Variants in FNDC3B observed in about 807,000 individuals in gnomAD.
FNDC3B encodes the protein fibronectin type III domain containing 3B, also known as fibronectin type III domain-containing protein 3B.
A neutral mutation model predicts 151.5 loss-of-function variants in FNDC3B; 12 were observed. The observed-to-expected ratio is 0.08, with a 90% CI of 0.05 to 0.13. The LOEUF (loss-of-function observed/expected upper bound fraction) is 0.13. FNDC3B is among the 10% of genes least tolerant of loss of function. The pLI is 1.00. For missense variants in FNDC3B, 1,214 were observed against 1,505.3 expected (o/e 0.81, Z 3.20); for synonymous variants, 528 against 549.0 (o/e 0.96, Z 0.54).
intron 7 of FNDC3B, among the ~76,000 whole-genome samples, chr3:172,291,763 G>T (rs1223324121): frequency 6.6e-6 from 1 of 152,102 alleles, no homozygotes; most frequent in Non-Finnish European, 1.5e-5. Flanking sequence ...TTTTTGAGGG[G>T]TGAGGGGAAC....
chr3:172,380,601 GT>G, intron 24 of FNDC3B, among the ~76,000 whole-genome samples: 1 of 152,104 alleles, frequency 6.6e-6, no homozygotes. Flanking sequence ...TAACTCTTAA[GT>G]TTCTTGAAAA....
intron 2 of FNDC3B, among the ~76,000 whole-genome samples, chr3:172,131,480 G>T (rs1721098783): frequency 6.6e-6 from 1 of 151,952 alleles, no homozygotes; most frequent in Non-Finnish European, 1.5e-5. Flanking sequence ...AGTACAGTGT[G>T]CTTACATTGG....
intron 24 of FNDC3B, among the ~76,000 whole-genome samples, chr3:172,379,888 T>A (rs906412491): frequency 6.6e-6 from 1 of 152,206 alleles, no homozygotes; most frequent in African/African-American, 2.4e-5. Context: ...CCAGCCTTTC[T>A]ACTTCAGAAG....
chr3:172,129,755 C>T (rs916795656), intron 2 of FNDC3B, among the ~76,000 whole-genome samples: 1 of 152,116 alleles, frequency 6.6e-6, no homozygotes, highest in South Asian at 2.1e-4. Flanking sequence ...ATTTGATTAG[C>T]ATGGTTCTTC....
chr3:172,048,665 T>C (rs1716482679), intron 1 of FNDC3B, among the ~76,000 whole-genome samples: 1 of 152,156 alleles, frequency 6.6e-6, no homozygotes, highest in South Asian at 2.1e-4. Context: ...AGCAGCATTA[T>C]TGACAATACC....
At position 172,330,557 on chromosome 3, in the gene FNDC3B, G is replaced by A; in HGVS notation, c.1396G>A (p.Val466Met). ...DIGTSGYSQE[V>M]VCYTLGNIPQ... ...TCTCTACAGTGGTTATAGCCAAGAGGTGGTGTGCTACACATTAGGAAATAT... is the reference window on the plus strand; with the variant it reads ...TCTCTACAGTGGTTATAGCCAAGAGATGGTGTGCTACACATTAGGAAATAT... Residue 466 changes from valine (V) to methionine (M), a missense_variant, in exon 13 of 26, where the codon GTG (valine) becomes ATG (methionine). Val to Met is a conservative substitution (Grantham distance 21). Around this residue, in one of 7 missense-constraint regions of FNDC3B, gnomAD observed 111 missense variants for 96.8 expected, o/e 1.15. Coordinates refer to ENST00000415807, the MANE Select transcript of FNDC3B (RefSeq NM_022763.4). The A allele has an allele frequency of 1.2e-6, 2 of 1,613,408 alleles. No individual in the cohort carries two copies. Among genetic ancestry groups the A allele is most frequent in the Admixed American group, 1.7e-5 (1 of 59,954 alleles).
chr3:172,167,400 A>G lies in FNDC3B; in HGVS notation c.187+33854A>G, dbSNP rs148127414. On this transcript the variant is annotated intron_variant, in intron 3 of 25. Transcript: ENST00000415807. The stretch of plus-strand genomic sequence containing the variant: ...AATAAAATGAGACTGTCTCAAAAAG[A>G]ATATAGACTCCAAGAGGGTTGCAGT... Among the ~76,000 whole-genome samples the G allele has an allele frequency of 2.9e-4, 44 of 152,284 alleles. No individual in the cohort carries two copies. In the East Asian group the frequency reaches 8.5e-3, roughly 29 times the overall value.
intron 14 of FNDC3B, among the ~76,000 whole-genome samples, chr3:172,333,966 C>CA (rs1301401250): frequency 6.6e-6 from 1 of 151,930 alleles, no homozygotes; most frequent in East Asian, 1.9e-4. Context: ...GTGTAGTAGC[C>CA]AAAAAAGTGA....
intron 1 of FNDC3B, among the ~76,000 whole-genome samples, chr3:172,048,062 G>A (rs929245979): frequency 1.3e-5 from 2 of 152,066 alleles, no homozygotes; most frequent in African/African-American, 4.8e-5. Context: ...TTAGTTCCAG[G>A]TACTGTATGA....
At chr3:172,338,862 G>C (rs1031901973) in intron 16 of FNDC3B, among the ~76,000 whole-genome samples, 1 of 152,018 alleles carries the variant, frequency 6.6e-6, no homozygotes, top group South Asian at 2.1e-4. Context: ...TCAGCCTCCG[G>C]AGTAGCTGGG....
intron 4 of FNDC3B, among the ~76,000 whole-genome samples, chr3:172,233,772 A>G (rs758632157): frequency 9.2e-5 from 14 of 152,210 alleles, no homozygotes; most frequent in Admixed American, 2.0e-4. Flanking sequence ...TTGGTGGCCA[A>G]TAAGGAGAAT....
intron 6 of FNDC3B, among the ~76,000 whole-genome samples, chr3:172,275,072 C>T (rs1319374935): frequency 6.6e-6 from 1 of 152,004 alleles, no homozygotes; most frequent in Admixed American, 6.6e-5. Flanking sequence ...CCTAAATGGC[C>T]GCTTTTGCTC....
Position 172,400,669 on chromosome 3 carries a change from T to C in FNDC3B, c.*3194T>C, listed in dbSNP as rs1335596373. The C allele has an allele frequency of 6.6e-6, 1 of 152,610 alleles. No homozygotes were observed. Among genetic ancestry groups the C allele is most frequent in the Non-Finnish European group, 1.5e-5 (1 of 68,034 alleles). 9.5% of individuals were successfully genotyped at this position (152,610 alleles called of 1,614,324 possible). A position where few individuals can be genotyped will look rare whatever the true frequency, so the allele number is the denominator to read the frequency against. On this transcript the variant is annotated 3_prime_UTR_variant, in exon 26 of 26. Coordinates refer to ENST00000415807, the MANE Select transcript of FNDC3B (RefSeq NM_022763.4). ...CTGTAGTGTATATGTAATATATTTA[T>C]GCCCAATAAATGTTTTAATTCTTTC... is the stretch of plus-strand genomic sequence containing the variant.
chr3:172,057,569 T>C (rs1273254891), intron 1 of FNDC3B, among the ~76,000 whole-genome samples: 1 of 152,180 alleles, frequency 6.6e-6, no homozygotes, highest in African/African-American at 2.4e-5. Flanking sequence ...CAGGTTTTTT[T>C]CTAGACATAA....
At chr3:172,371,704 C>T (rs1279444896) in intron 23 of FNDC3B, among the ~76,000 whole-genome samples, 1 of 152,190 alleles carries the variant, frequency 6.6e-6, no homozygotes. Flanking sequence ...CTAGATTGGG[C>T]GCATTGCCCC....
At chr3:172,112,706 A>G (rs1406844701) in intron 2 of FNDC3B, 116 bp downstream of exon 2, 1 of 745,292 alleles carries the variant, frequency 1.3e-6, no homozygotes, top group Non-Finnish European at 2.4e-6. Context: ...GCATTTCTAG[A>G]GGTAAGTGTT....
At chr3:172,332,596 G>T (rs755182080) in intron 13 of FNDC3B, among the ~76,000 whole-genome samples, 2 of 152,128 alleles carry the variant, frequency 1.3e-5, no homozygotes, top group Non-Finnish European at 2.9e-5. Flanking sequence ...GATAGAGATA[G>T]AACTATTGAA....
chr3:172,121,601 C>G (rs1416530379), intron 2 of FNDC3B, among the ~76,000 whole-genome samples: 1 of 152,134 alleles, frequency 6.6e-6, no homozygotes, highest in Non-Finnish European at 1.5e-5. Flanking sequence ...GATGCAAATA[C>G]TTGTGTTTAT....
intron 1 of FNDC3B, among the ~76,000 whole-genome samples, chr3:172,110,775 T>TA (rs1719920551): frequency 6.6e-6 from 1 of 152,078 alleles, no homozygotes; most frequent in Admixed American, 6.6e-5. Context: ...TCAGACCCCC[T>TA]AATGTAAATA....
Sources: gnomAD v4.1 joint callset for allele counts (sites outside exome capture counted in the v4.1 genomes callset) on GRCh38, gnomAD v4.1.1 for gene constraint, gnomAD v4.1.1 regional missense constraint, MANE v1.5 for transcripts, NCBI Gene and HGNC (gene_info 2026-07-23, HGNC 2026-07-21) for gene names.